FYB1: variants seen among roughly 807,000 people sequenced by gnomAD.
The protein encoded by FYB1 is FYN binding protein 1, also known as FYN-binding protein 1.
FYB1 carries 41 observed loss-of-function variants against 94.1 expected under a neutral mutation model. That is an observed-to-expected ratio of 0.44 (90% CI 0.34 to 0.57). The LOEUF is 0.57. Ranked by LOEUF, FYB1 falls within the 20% of genes least tolerant of loss-of-function variation. The probability of loss-of-function intolerance (pLI) is 0.02; values close to 1 mark genes in which losing one functional copy is unlikely to be tolerated. For missense variants in FYB1, 1,050 were observed against 976.8 expected, an observed-to-expected ratio of 1.07 and a Z score of -1.00; for synonymous variants, 367 against 353.2, an observed-to-expected ratio of 1.04 and a Z score of -0.44.
chr5:39,122,128 G>A (rs1024263244), intron 14 of FYB1, among the ~76,000 whole-genome samples: 12 of 151,992 alleles, frequency 7.9e-5, no homozygotes, highest in Non-Finnish European at 1.8e-4. Context: ...AGGGGTGGAG[G>A]TGGGGGCAAA....
chr5:39,220,103 T>A (rs940105921), upstream of FYB1, among the ~76,000 whole-genome samples: 14 of 151,994 alleles, frequency 9.2e-5, no homozygotes, highest in African/African-American at 3.1e-4. Flanking sequence ...TAGATGATAA[T>A]CCATGTGAAA....
intron 2 of FYB1, among the ~76,000 whole-genome samples, chr5:39,199,053 A>G (rs1258678245): frequency 6.6e-6 from 1 of 151,882 alleles, no homozygotes; most frequent in East Asian, 1.9e-4. Context: ...GAATTTTCCC[A>G]TCTAAAGACT....
intron 2 of FYB1, among the ~76,000 whole-genome samples, chr5:39,182,332 T>C (rs756664240): frequency 1.2e-4 from 6 of 51,464 alleles, no homozygotes; most frequent in Non-Finnish European, 2.0e-4. Flanking sequence ...TGTGTGTGTG[T>C]GTGTGTGTGT....
At chr5:39,127,477 A>G (rs1477916386) in intron 11 of FYB1, among the ~76,000 whole-genome samples, 3 of 149,654 alleles carry the variant, frequency 2.0e-5, no homozygotes, top group Non-Finnish European at 4.4e-5. Flanking sequence ...AAAAAAATAC[A>G]CAACACCTGT....
intron 1 of FYB1, chr5:39,270,870 T>G (rs558422823): frequency 5.7e-5 from 21 of 367,938 alleles, no homozygotes; most frequent in African/African-American, 4.1e-4. Flanking sequence ...ACCTAGATAT[T>G]AAATTTTGCT....
Position 39,127,784 on chromosome 5 carries a change from C to T in FYB1, c.1864G>A (p.Asp622Asn), listed in dbSNP as rs1410262685. The change falls in exon 11 of 19, where the codon GAT becomes AAT. Residue 622 changes from aspartate (D) to asparagine (N), a missense_variant. Asp to Asn is a conservative substitution (Grantham distance 23). Coordinates refer to ENST00000512982, the MANE Select transcript of FYB1 (RefSeq NM_001465.6). ...SGGIFPPPPD[D>N]DIYDGIEEED... Reference sequence around the variant, plus strand: ...TCTTCAATCCCATCATAAATGTCATCATCTGGTGGTGGAGGGAATATCCCT... The same window carrying T: ...TCTTCAATCCCATCATAAATGTCATTATCTGGTGGTGGAGGGAATATCCCT... 3 of 1,604,326 alleles carry T rather than the reference C, an allele frequency of 1.9e-6. No individual in the cohort carries two copies. Among genetic ancestry groups the T allele is most frequent in the Admixed American group, 3.4e-5 (2 of 58,630 alleles).
intron 2 of FYB1, among the ~76,000 whole-genome samples, chr5:39,201,055 A>G (rs537117340): frequency 6.6e-6 from 1 of 152,310 alleles, no homozygotes; most frequent in African/African-American, 2.4e-5. Flanking sequence ...CATTTTCCTA[A>G]CTATATATTA....
chr5:39,229,172 A>G (rs1386831009), intron 1 of FYB1, among the ~76,000 whole-genome samples: 1 of 152,080 alleles, frequency 6.6e-6, no homozygotes, highest in African/African-American at 2.4e-5. Flanking sequence ...TAGTGGATGA[A>G]TCTTTTAGAA....
At chr5:39,183,793 GT>G (rs1199468716) in intron 2 of FYB1, among the ~76,000 whole-genome samples, 1 of 152,190 alleles carries the variant, frequency 6.6e-6, no homozygotes, top group Non-Finnish European at 1.5e-5. Flanking sequence ...TCCTGGGCAA[GT>G]TATTAAAAAT....
chr5:39,172,526 G>A (rs770622927), intron 2 of FYB1, among the ~76,000 whole-genome samples: 1 of 152,128 alleles, frequency 6.6e-6, no homozygotes, highest in Non-Finnish European at 1.5e-5. Flanking sequence ...TGTATTGTGT[G>A]ACACTGAGGC....
At chr5:39,252,374 A>G (rs1267451621) in intron 1 of FYB1, among the ~76,000 whole-genome samples, 2 of 152,226 alleles carry the variant, frequency 1.3e-5, no homozygotes, top group East Asian at 1.9e-4. Context: ...ATATACTTGT[A>G]GATAAAGACT....
intron 2 of FYB1, among the ~76,000 whole-genome samples, chr5:39,166,293 G>A (rs1053578443): frequency 9.2e-5 from 14 of 151,928 alleles, no homozygotes; most frequent in African/African-American, 1.2e-4. Context: ...AAAATTATCC[G>A]GGCCTGGTGG....
In FYB1 at chr5:39,118,923, T is replaced by G; in HGVS notation, c.2352A>C (p.Ile784=). Residue 784 remains isoleucine, a synonymous_variant, in exon 16 of 19, where the codon ATA becomes ATC. Transcript: ENST00000512982. ...QVKPGESLEV[I]QTTDDTKVLC... Reference sequence around the variant, plus strand: ...GAACTTTTGTGTCATCTGTGGTTTGTATAACTTCTAGAGATTCACCAGGTT... The same window carrying G: ...GAACTTTTGTGTCATCTGTGGTTTGGATAACTTCTAGAGATTCACCAGGTT... 1 of 1,564,740 alleles carries G rather than the reference T, an allele frequency of 6.4e-7. No homozygotes were observed. The highest frequency in any genetic ancestry group is 8.7e-7 in the Non-Finnish European group (1 of 1,151,478).
intron 1 of FYB1, among the ~76,000 whole-genome samples, chr5:39,224,740 C>T (rs779526808): frequency 7.2e-5 from 11 of 152,168 alleles, no homozygotes; most frequent in African/African-American, 1.2e-4. Flanking sequence ...AGAAGCATTA[C>T]GATCTGCAAG....
chr5:39,143,550 C>T (rs1742375724), intron 3 of FYB1, among the ~76,000 whole-genome samples: 1 of 152,186 alleles, frequency 6.6e-6, no homozygotes, highest in Non-Finnish European at 1.5e-5. Context: ...CCAACTTTTG[C>T]CATCTTTCTA....
chr5:39,267,752 T>C (rs537109818), intron 1 of FYB1, among the ~76,000 whole-genome samples: 72 of 152,254 alleles, frequency 4.7e-4, no homozygotes, highest in Middle Eastern at 3.2e-3. Context: ...TATGCCATTA[T>C]ATAGTAAGAA....
rs374563818 is a variant in FYB1, at chr5:39,146,076, G to A, written c.1293-4935C>T. On this transcript the variant is annotated intron_variant, in intron 3 of 18. Coordinates refer to ENST00000512982, the MANE Select transcript of FYB1 (RefSeq NM_001465.6). Reference sequence around the variant, plus strand: ...TCTACAGATGCCTGCCACCATGCCCGGCTAATTTTTGTATTTTTAATAGAG... The same window carrying A: ...TCTACAGATGCCTGCCACCATGCCCAGCTAATTTTTGTATTTTTAATAGAG... 5.9e-5 allele frequency among the ~76,000 whole-genome samples: 9 copies of A among 151,598 alleles called. No homozygotes were observed. In the South Asian group the frequency reaches 6.3e-4, roughly 11 times the overall value.
At chr5:39,126,252 C>T in intron 11 of FYB1, 117 bp from the exon 12 acceptor site, 2 of 1,066,470 alleles carry the variant, frequency 1.9e-6, no homozygotes, top group East Asian at 2.6e-5. Flanking sequence ...ATCATTCAGG[C>T]AGTAAATAAC....
intron 1 of FYB1, among the ~76,000 whole-genome samples, chr5:39,242,462 C>T (rs1007777596): frequency 1.3e-5 from 2 of 152,124 alleles, no homozygotes; most frequent in East Asian, 3.9e-4. Flanking sequence ...CTACAAAGGA[C>T]ATGAACTCAT....
Sources: gnomAD v4.1 joint callset for allele counts (sites outside exome capture counted in the v4.1 genomes callset) on GRCh38, gnomAD v4.1.1 for gene constraint, MANE v1.5 for transcripts, NCBI Gene and HGNC (gene_info 2026-07-23, HGNC 2026-07-21) for gene names.